Variants in ULK4 observed in about 807,000 individuals in gnomAD.
ULK4 encodes the protein unc-51 like kinase 4.
A neutral mutation model predicts 160.6 loss-of-function variants in ULK4; 133 were observed. The ratio of observed to expected loss-of-function variants is 0.83; its 90% CI spans 0.72 to 0.96. The LOEUF (loss-of-function observed/expected upper bound fraction) is 0.96. ULK4 is among the 40% of genes least tolerant of loss of function. The pLI, the probability that ULK4 is intolerant of heterozygous loss-of-function variation, is 0.00. For synonymous variants in ULK4, 534 were observed against 539.8 expected (o/e 0.99, Z 0.15); for missense variants, 1,580 against 1,499.5 (o/e 1.05, Z -0.89).
intron 34 of ULK4, among the ~76,000 whole-genome samples, chr3:41,446,780 T>G (rs1385091578): frequency 6.6e-6 from 1 of 151,078 alleles, no homozygotes; most frequent in Non-Finnish European, 1.5e-5. Flanking sequence ...TAATGTTAAA[T>G]GATGAGTTAA....
chr3:41,381,110 C>T (rs2081640770), intron 35 of ULK4, among the ~76,000 whole-genome samples: 1 of 152,158 alleles, frequency 6.6e-6, no homozygotes, highest in Admixed American at 6.5e-5. Flanking sequence ...TATCAGGTCG[C>T]TCACACTCCC....
chr3:41,558,904 T>C (rs56711942), intron 32 of ULK4, among the ~76,000 whole-genome samples: 6,511 of 148,938 alleles, frequency 0.044, 489 homozygotes, highest in African/African-American at 0.15. Flanking sequence ...ACTTTAAGTT[T>C]TAGGGTACAT....
chr3:41,884,386 T>A (rs1411398193), intron 16 of ULK4, among the ~76,000 whole-genome samples: 1 of 152,206 alleles, frequency 6.6e-6, no homozygotes, highest in African/African-American at 2.4e-5. Context: ...AACATATCTG[T>A]ATGTATTCAG....
chr3:41,897,621 A>G (rs1698207491), intron 14 of ULK4, among the ~76,000 whole-genome samples: 1 of 152,184 alleles, frequency 6.6e-6, no homozygotes. Flanking sequence ...TTTCCAGGTG[A>G]TAATTCTCTA....
intron 19 of ULK4, among the ~76,000 whole-genome samples, chr3:41,807,260 T>C (rs937627652): frequency 2.0e-5 from 3 of 152,126 alleles, no homozygotes; most frequent in African/African-American, 7.2e-5. Context: ...AAAATATATA[T>C]GTAAAGGAAG....
In ULK4 at chr3:41,935,915, A is replaced by G; in HGVS notation, c.264T>C (p.Ala88=). 1.9e-6 allele frequency: 3 copies of G among 1,613,776 alleles called. No individual in the cohort carries two copies. Among genetic ancestry groups the G allele is most frequent in the Non-Finnish European group, 2.5e-6 (3 of 1,179,920 alleles). ...CTGGSLKTVI[A]QDENLPEDVV... The stretch of plus-strand genomic sequence containing the variant: ...CATCTTCTGGGAGGTTTTCATCTTG[A>G]GCAATAACTGTTTTTAAGGAACCAC... Residue 88 remains alanine, a synonymous_variant, in exon 4 of 37, where the codon GCT becomes GCC. Transcript: ENST00000301831.
At chr3:41,302,035 G>C (rs1158533179) in intron 35 of ULK4, among the ~76,000 whole-genome samples, 1 of 152,158 alleles carries the variant, frequency 6.6e-6, no homozygotes, top group Non-Finnish European at 1.5e-5. Flanking sequence ...GAATGAGGGA[G>C]GTGATCATTT....
chr3:41,626,195 T>TA (rs1361979546), intron 30 of ULK4, among the ~76,000 whole-genome samples: 1 of 152,214 alleles, frequency 6.6e-6, no homozygotes, highest in African/African-American at 2.4e-5. Flanking sequence ...AATAAACTTA[T>TA]AAAACCTTTA....
chr3:41,367,030 G>A (rs532980892), intron 35 of ULK4, among the ~76,000 whole-genome samples: 2 of 152,236 alleles, frequency 1.3e-5, no homozygotes, highest in East Asian at 3.9e-4. Flanking sequence ...CGTATTTTAC[G>A]GAAATCTTTC....
At chr3:41,674,131 A>T (rs940956681) in intron 29 of ULK4, among the ~76,000 whole-genome samples, 2 of 152,236 alleles carry the variant, frequency 1.3e-5, no homozygotes, top group Non-Finnish European at 2.9e-5. Context: ...TTACACTCAT[A>T]AGAGTATTAA....
At chr3:41,295,805 G>A (rs1241925659) in intron 35 of ULK4, among the ~76,000 whole-genome samples, 1 of 152,206 alleles carries the variant, frequency 6.6e-6, no homozygotes. Context: ...CAGAGCAACA[G>A]GAACTCTCGC....
intron 32 of ULK4, among the ~76,000 whole-genome samples, chr3:41,558,192 A>G (rs2087378104): frequency 6.6e-6 from 1 of 152,162 alleles, no homozygotes; most frequent in African/African-American, 2.4e-5. Context: ...CTGTAACAGC[A>G]AAATATTGGA....
intron 32 of ULK4, among the ~76,000 whole-genome samples, chr3:41,535,161 A>T (rs2086456103): frequency 6.6e-6 from 1 of 152,224 alleles, no homozygotes; most frequent in Non-Finnish European, 1.5e-5. Context: ...GCCAAAGCAC[A>T]GTCTCCTGAG....
chr3:41,325,060 G>C (rs927883374), intron 35 of ULK4, among the ~76,000 whole-genome samples: 2 of 152,112 alleles, frequency 1.3e-5, no homozygotes, highest in Non-Finnish European at 2.9e-5. Context: ...GGCCTGTTAC[G>C]GTGGTGAGAA....
chr3:41,807,883 T>A (rs573926709), intron 19 of ULK4, among the ~76,000 whole-genome samples: 2 of 152,270 alleles, frequency 1.3e-5, no homozygotes, highest in African/African-American at 4.8e-5. Context: ...TTCACTCTAC[T>A]TGGTGAAATA....
At chr3:41,748,756 C>G (rs764521734) in intron 22 of ULK4, among the ~76,000 whole-genome samples, 2 of 152,128 alleles carry the variant, frequency 1.3e-5, no homozygotes, top group Non-Finnish European at 2.9e-5. Context: ...GGCACATATC[C>G]TCTCTGTTTT....
At chr3:41,817,147 TGAACTATA>T (rs1327550863) in intron 19 of ULK4, among the ~76,000 whole-genome samples, 2 of 152,080 alleles carry the variant, frequency 1.3e-5, no homozygotes, top group Non-Finnish European at 2.9e-5. Context: ...GTGGTCCAAA[TGAACTATA>T]GTTTACACAA....
Position 41,938,101 on chromosome 3 carries a change from T to G in ULK4, c.235A>C (p.Thr79Pro). ...CTTTTTACATACTCTTTCTTACCTG[T>G]GCAGAGTTCCACCACTAGCCAGAGG... ...NHLWLVVELC[T>P]GGSLKTVIAQ... Residue 79 changes from threonine (T) to proline (P), a missense_variant, in exon 3 of 37, where the codon ACA becomes CCA. Transcript: ENST00000301831. The G allele has an allele frequency of 6.2e-7, 1 of 1,609,384 alleles. No individual in the cohort carries two copies. The highest frequency in any genetic ancestry group is 8.5e-7 in the Non-Finnish European group (1 of 1,176,774).
chr3:41,746,272 C>CA (rs34582395), intron 22 of ULK4, among the ~76,000 whole-genome samples: 2,988 of 45,468 alleles, frequency 0.066, 178 homozygotes, highest in Admixed American at 0.084. Context: ...CTGGAACCCA[C>CA]AAAAAAAAAA....
Sources: allele counts gnomAD v4.1 joint callset (sites outside exome capture counted in the v4.1 genomes callset), GRCh38; gene constraint gnomAD v4.1.1; transcripts MANE v1.5; gene names NCBI Gene and HGNC (gene_info 2026-07-23, HGNC 2026-07-21).